LTK: variants seen among roughly 807,000 people sequenced by gnomAD.
LTK encodes the protein leukocyte receptor tyrosine kinase, also known as leukocyte tyrosine kinase receptor.
Under a neutral mutation model 101.5 loss-of-function variants are expected in LTK, and 117 were observed. That is an observed-to-expected ratio of 1.15 (90% CI 0.99 to 1.34). The LOEUF is 1.34. Among genes scored for constraint, LTK ranks in the 40% most tolerant of loss-of-function variants. The probability of loss-of-function intolerance (pLI) is 0.00; values close to 1 mark genes in which losing one functional copy is unlikely to be tolerated. For synonymous variants in LTK, 563 were observed against 494.2 expected (o/e 1.14, Z -1.85); for missense variants, 1,252 against 1,164.7 (o/e 1.07, Z -1.09).
intron 7 of LTK, among the ~76,000 whole-genome samples, chr15:41,509,843 G>C (rs1287468303): frequency 6.6e-6 from 1 of 151,850 alleles, no homozygotes; most frequent in Non-Finnish European, 1.5e-5. Context: ...CTGGGCAACA[G>C]AGCCAGACTC....
intron 9 of LTK, among the ~76,000 whole-genome samples, chr15:41,507,858 T>C (rs1208358288): frequency 1.3e-5 from 2 of 152,196 alleles, no homozygotes; most frequent in Admixed American, 6.5e-5. Context: ...ACTTGAGATA[T>C]ACATTTACAT....
chr15:41,509,779 A>C (rs2051395460), intron 7 of LTK, among the ~76,000 whole-genome samples: 2 of 151,800 alleles, frequency 1.3e-5, no homozygotes, highest in South Asian at 4.2e-4. Flanking sequence ...GAATTGCTTG[A>C]ACCCGGGAGG....
rs1299847587 is a variant in LTK, at chr15:41,511,828, A to G, written c.646T>C (p.Tyr216His). ...GGGGGGGGAT[Y>H]VFRVRAGELE... is the part of the protein sequence containing the mutation. Reference sequence around the variant, plus strand: ...AAGGGAGCACGTACCCGGAAAACGTAGGTGGCGCCCCCGCCACCCCCGCCA... The same window carrying G: ...AAGGGAGCACGTACCCGGAAAACGTGGGTGGCGCCCCCGCCACCCCCGCCA... Residue 216 changes from tyrosine (Y) to histidine (H), a missense_variant, in exon 5 of 20, where the codon TAC (tyrosine) becomes CAC (histidine). By Grantham distance (83) the Tyr-to-His change is moderately conservative. Coordinates refer to ENST00000263800, the MANE Select transcript of LTK (RefSeq NM_002344.6). This position sits in a 1 kb window ranked among gnomAD's most constrained non-coding sequence, Gnocchi z 5.9. The G allele has an allele frequency of 6.7e-7, 1 of 1,488,938 alleles. No individual in the cohort carries two copies. Among genetic ancestry groups the G allele is most frequent in the Non-Finnish European group, 8.9e-7 (1 of 1,128,976 alleles). 92.2% of individuals were successfully genotyped at this position (1,488,938 alleles called of 1,614,324 possible).
rs146757784 is a variant in LTK at position 41,504,856 on chromosome 15, C to A, written c.2037G>T (p.Arg679Ser). Residue 679 changes from arginine (R) to serine (S), a missense_variant, in exon 17 of 20, where the codon AGG becomes AGT. Physicochemically the swap from Arg to Ser is moderately radical, Grantham distance 110. Transcript: ENST00000263800. The stretch of plus-strand genomic sequence containing the variant: ...TGACTGGGAGCAAGGCCCGGTCCCC[C>A]CTGCGGTAATAACTGGCCCTACAGG... ...RDIYRASYYR[R>S]GDRALLPVKW... The A allele has an allele frequency of 4.3e-6, 7 of 1,613,008 alleles. No homozygotes were observed. Among genetic ancestry groups the A allele is most frequent in the East Asian group, 2.2e-5 (1 of 44,894 alleles).
In LTK at chr15:41,505,983, C is replaced by A. The variant is rs761602736; in HGVS notation, c.1564G>T (p.Gly522Trp). 4.5e-5 allele frequency: 73 copies of A among 1,613,758 alleles called. No homozygotes were observed. Among genetic ancestry groups the A allele is most frequent in the Non-Finnish European group, 5.8e-5 (69 of 1,179,848 alleles). ...LLRALGHGAF[G>W]EVYEGLVIGL... ...ATTACCAGTCCCTCATACACCTCCCCAAAGGCACCATGGCCCAGGGCTCTG... is the reference window on the plus strand; with the variant it reads ...ATTACCAGTCCCTCATACACCTCCCAAAAGGCACCATGGCCCAGGGCTCTG... Residue 522 changes from glycine (G) to tryptophan (W), a missense_variant, in exon 12 of 20, where the codon GGG becomes TGG. Physicochemically the swap from Gly to Trp is radical, Grantham distance 184 (BLOSUM62 -2). Coordinates refer to ENST00000263800, the MANE Select transcript of LTK (RefSeq NM_002344.6).
rs2051470827 is a variant in LTK, at chr15:41,511,721, T to C, written c.657+96A>G. 3 of 1,432,018 alleles carry C rather than the reference T, an allele frequency of 2.1e-6. No homozygotes were observed. Among genetic ancestry groups the C allele is most frequent in the Non-Finnish European group, 2.7e-6 (3 of 1,101,662 alleles). 88.7% of individuals were successfully genotyped at this position (1,432,018 alleles called of 1,614,324 possible). Reference sequence around the variant, plus strand: ...AGGCCAGCCCAGCCCAGCGCAGGGATAGGGGGACCCCAAGGGACGGACGGA... The same window carrying C: ...AGGCCAGCCCAGCCCAGCGCAGGGACAGGGGGACCCCAAGGGACGGACGGA... On this transcript the variant is annotated intron_variant, in intron 5 of 19. Coordinates refer to ENST00000263800, the MANE Select transcript of LTK (RefSeq NM_002344.6). The surrounding 1 kb of genome is among the most constrained non-coding windows in gnomAD (Gnocchi z 5.9).
In LTK at chr15:41,504,583, C is replaced by T. The variant is rs764066935; in HGVS notation, c.2178G>A (p.Gly726=). ...AGTCCAGCACCTCCTGGTTGGTGCG[C>T]CCAGGATAGGGCATGTAGCCCAGTG... ...IFSLGYMPYP[G]RTNQEVLDFV... is the part of the protein sequence containing the mutation. Residue 726 remains glycine (G), a synonymous_variant, in exon 18 of 20, where the codon GGG becomes GGA. Coordinates refer to ENST00000263800, the MANE Select transcript of LTK (RefSeq NM_002344.6). The T allele has an allele frequency of 1.2e-6, 2 of 1,613,730 alleles. No homozygotes were observed. Among genetic ancestry groups the T allele is most frequent in the Admixed American group, 1.7e-5 (1 of 60,000 alleles).
intron 9 of LTK, 39 bp from the exon 10 acceptor site, chr15:41,507,696 C>T (rs1048070690): frequency 2.5e-6 from 4 of 1,583,506 alleles, no homozygotes; most frequent in Non-Finnish European, 2.6e-6. Flanking sequence ...GGAAGGTCTT[C>T]TCTGTTCCTT....
chr15:41,505,815 C>T, intron 12 of LTK, 38 bp from the exon 13 acceptor site: 1 of 1,609,798 alleles, frequency 6.2e-7, no homozygotes, highest in Non-Finnish European at 8.5e-7. Flanking sequence ...AGCTGCCCTG[C>T]ACGCTTCAGG....
chr15:41,508,002 A>G, intron 9 of LTK, 67 bp downstream of exon 9: 6 of 1,485,286 alleles, frequency 4.0e-6, no homozygotes, highest in Non-Finnish European at 5.4e-6. Context: ...CATCTTTCCC[A>G]GTGGCCTACT....
intron 4 of LTK, 68 bp from the exon 5 acceptor site, chr15:41,512,031 A>AG (rs1459489207): frequency 9.5e-6 from 14 of 1,469,474 alleles, no homozygotes; most frequent in Non-Finnish European, 1.3e-5. Context: ...GTGACCCGGC[A>AG]CCGAGGAAAG....
Position 41,513,068 on chromosome 15 carries a change from C to T in LTK, c.96G>A (p.Ser32=). 2 of 1,611,474 alleles carry T rather than the reference C, an allele frequency of 1.2e-6. No homozygotes were observed. Among genetic ancestry groups the T allele is most frequent in the Non-Finnish European group, 1.7e-6 (2 of 1,179,300 alleles). The change falls in exon 2 of 20, where the codon TCG becomes TCA. Residue 32 remains serine, a synonymous_variant. Transcript: ENST00000263800. ...PGSQETFLRS[S]PLPLASPSPR... ...GGCTGGGACTTGCCAGCGGCAGGGG[C>T]GAGGACCGCAGAAAAGTCTCCTGGG...
intron 11 of LTK, among the ~76,000 whole-genome samples, chr15:41,506,755 T>A (rs2051299337): frequency 6.6e-6 from 1 of 151,810 alleles, no homozygotes; most frequent in Non-Finnish European, 1.5e-5. Context: ...CATGCCCAGC[T>A]AATTTTGTAT....
chr15:41,513,532 G>T, intron 1 of LTK, 135 bp downstream of exon 1: 2 of 815,200 alleles, frequency 2.5e-6, no homozygotes, highest in African/African-American at 1.7e-5. Context: ...CCAGAAGCAC[G>T]GACCGGAGAA....
intron 11 of LTK, among the ~76,000 whole-genome samples, chr15:41,506,683 C>T (rs1382324115): frequency 6.6e-6 from 1 of 152,140 alleles, no homozygotes; most frequent in Non-Finnish European, 1.5e-5. Context: ...CTCCGCCTCC[C>T]AGGTTCAAGT....
At position 41,511,741 on chromosome 15, in the gene LTK, G is replaced by A; in HGVS notation, c.657+76C>T. 6.9e-7 allele frequency: 1 copy of A among 1,444,702 alleles called. No homozygotes were observed. The highest frequency in any genetic ancestry group is 2.9e-5 in the East Asian group (1 of 34,408). The allele number at this position is 1,444,702 out of a possible 1,614,324, so 89.5% of individuals were successfully genotyped here. A position where few individuals can be genotyped will look rare whatever the true frequency, so the allele number is the denominator to read the frequency against. ...AGGGATAGGGGGACCCCAAGGGACG[G>A]ACGGAGAGCCGGTGCGTGAGCGCCC... is the stretch of plus-strand genomic sequence containing the variant. On this transcript the variant is annotated intron_variant, in intron 5 of 19. Coordinates refer to ENST00000263800, the MANE Select transcript of LTK (RefSeq NM_002344.6). This position sits in a 1 kb window ranked among gnomAD's most constrained non-coding sequence, Gnocchi z 5.9.
At chr15:41,506,397 C>T (rs915144595) in intron 11 of LTK, among the ~76,000 whole-genome samples, 2 of 152,126 alleles carry the variant, frequency 1.3e-5, no homozygotes, top group African/African-American at 2.4e-5. Context: ...CTCTGCCTCT[C>T]GGGTTCAAGT....
intron 17 of LTK, 22 bp from the exon 18 acceptor site, chr15:41,504,662 C>CA (rs1373114551): frequency 3.7e-6 from 6 of 1,610,342 alleles, no homozygotes; most frequent in Non-Finnish European, 8.5e-7. Flanking sequence ...GTGGGGGAAC[C>CA]AAGTGAGGCC....
chr15:41,512,578 G>T, intron 3 of LTK, 129 bp downstream of exon 3: 1 of 1,187,726 alleles, frequency 8.4e-7, no homozygotes, highest in Non-Finnish European at 1.1e-6. Flanking sequence ...ACCTTGAAGG[G>T]CACTCAAGGT....
Sources: gnomAD v4.1 joint callset for allele counts (sites outside exome capture counted in the v4.1 genomes callset) on GRCh38, gnomAD v4.1.1 for gene constraint, Gnocchi (gnomAD v3.1) non-coding constraint, MANE v1.5 for transcripts, NCBI Gene and HGNC (gene_info 2026-07-23, HGNC 2026-07-21) for gene names.